PTPN2: variants seen among roughly 807,000 people sequenced by gnomAD.
PTPN2 encodes tyrosine-protein phosphatase non-receptor type 2.
Under a neutral mutation model 57.3 loss-of-function variants are expected in PTPN2, and 19 were observed. The observed-to-expected ratio is 0.33, with a 90% confidence interval of 0.23 to 0.49. PTPN2 has a LOEUF of 0.49. PTPN2 is among the 20% of genes least tolerant of loss of function. The probability of loss-of-function intolerance (pLI) is 0.99; values close to 1 mark genes in which losing one functional copy is unlikely to be tolerated. For missense variants in PTPN2, 358 were observed against 501.1 expected (o/e 0.71, Z 2.73); for synonymous variants, 153 against 164.9 (o/e 0.93, Z 0.55).
intron 7 of PTPN2, among the ~76,000 whole-genome samples, chr18:12,805,784 C>T (rs112723771): frequency 0.15 from 22,727 of 151,700 alleles, 1,884 homozygotes; most frequent in African/African-American, 0.2. Context: ...CGCGTGCCAG[C>T]ATACCCAGCT....
chr18:12,861,563 GT>G (rs1247999205), intron 1 of PTPN2, among the ~76,000 whole-genome samples: 1 of 152,062 alleles, frequency 6.6e-6, no homozygotes, highest in Non-Finnish European at 1.5e-5. Flanking sequence ...TAATTTTGTA[GT>G]TTTCTTCATA....
chr18:12,864,634 G>C (rs1265443193), intron 1 of PTPN2, among the ~76,000 whole-genome samples: 2 of 151,878 alleles, frequency 1.3e-5, no homozygotes, highest in Non-Finnish European at 2.9e-5. Context: ...TCCTGACCTC[G>C]TGATCTGCCC....
chr18:12,798,675 T>C (rs2041285777), intron 8 of PTPN2, among the ~76,000 whole-genome samples: 1 of 152,248 alleles, frequency 6.6e-6, no homozygotes, highest in South Asian at 2.1e-4. Context: ...TTTAGATTGA[T>C]TCCATGTCTT....
At chr18:12,841,769 G>GA (rs2043053672) in intron 2 of PTPN2, among the ~76,000 whole-genome samples, 2 of 152,158 alleles carry the variant, frequency 1.3e-5, no homozygotes, top group African/African-American at 4.8e-5. Flanking sequence ...AGTCTGCAAT[G>GA]AAAAGAATAC....
At chr18:12,870,460 TATAGAGAGAGAGAG>T (rs1240173304) in intron 1 of PTPN2, among the ~76,000 whole-genome samples, 6 of 24,104 alleles carry the variant, frequency 2.5e-4, no homozygotes, top group African/African-American at 1.1e-3. Flanking sequence ...TATATATATA[TATAGAGAGAGAGAG>T]AGAGAGAGAG....
intron 3 of PTPN2, among the ~76,000 whole-genome samples, 195 bp from the exon 4 acceptor site, chr18:12,831,236 G>T (rs1018873082): frequency 2.0e-5 from 3 of 152,174 alleles, no homozygotes; most frequent in African/African-American, 4.8e-5. Context: ...GGTTGTAAAT[G>T]ATCAAAACTG....
At chr18:12,824,643 A>G (rs2042383226) in intron 5 of PTPN2, among the ~76,000 whole-genome samples, 1 of 152,168 alleles carries the variant, frequency 6.6e-6, no homozygotes, top group African/African-American at 2.4e-5. Context: ...AGTTTATTCT[A>G]TTACAACACA....
chr18:12,812,285 C>T (rs1263970221), intron 7 of PTPN2, among the ~76,000 whole-genome samples: 1 of 152,160 alleles, frequency 6.6e-6, no homozygotes, highest in Non-Finnish European at 1.5e-5. Flanking sequence ...ATTATAATTA[C>T]ACATATTTAC....
intron 2 of PTPN2, among the ~76,000 whole-genome samples, chr18:12,856,505 G>C (rs796926613): frequency 1.4e-4 from 21 of 152,226 alleles, no homozygotes; most frequent in African/African-American, 4.8e-4. Context: ...TGCATGGTCC[G>C]CAGGAGGGAA....
At chr18:12,805,003 T>C (rs778599615) in intron 7 of PTPN2, among the ~76,000 whole-genome samples, 7 of 152,110 alleles carry the variant, frequency 4.6e-5, no homozygotes, top group Non-Finnish European at 8.8e-5. Context: ...CAACAGTATA[T>C]TAAAAACATC....
At chr18:12,868,560 T>C (rs769132523) in intron 1 of PTPN2, among the ~76,000 whole-genome samples, 2 of 150,268 alleles carry the variant, frequency 1.3e-5, no homozygotes, top group East Asian at 4.0e-4. Flanking sequence ...TCATTTGTCA[T>C]AGTTTTCTAC....
chr18:12,801,959 A>G lies in PTPN2; in HGVS notation c.1040+11T>C, dbSNP rs2145249936. ...GCCTCATCTTTCAGCCTGTAGTTAT[A>G]GAAAGCTTACCTCTCACTGTTCTCC... On this transcript the variant is annotated intron_variant, in intron 8 of 8. Transcript: ENST00000309660. The G allele has an allele frequency of 6.4e-7, 1 of 1,570,616 alleles. No individual in the cohort carries two copies. Among genetic ancestry groups the G allele is most frequent in the South Asian group, 1.2e-5 (1 of 82,584 alleles).
chr18:12,853,034 TCTC>T (rs1433312939), intron 2 of PTPN2, among the ~76,000 whole-genome samples: 3 of 152,204 alleles, frequency 2.0e-5, no homozygotes, highest in Non-Finnish European at 4.4e-5. Context: ...TATGTGTTAA[TCTC>T]CTCAAGTATA....
At chr18:12,883,421 G>GA (rs1215760255) in intron 1 of PTPN2, among the ~76,000 whole-genome samples, 2 of 152,196 alleles carry the variant, frequency 1.3e-5, no homozygotes, top group African/African-American at 2.4e-5. Context: ...GCCCTCGCCA[G>GA]AGGCCACGAG....
downstream of PTPN2, chr18:12,792,041 G>A: frequency 5.3e-6 from 1 of 187,988 alleles, no homozygotes; most frequent in Non-Finnish European, 9.9e-6. Context: ...TAAGGGTCTT[G>A]GATGCCTCAA....
intron 4 of PTPN2, among the ~76,000 whole-genome samples, chr18:12,826,521 T>C (rs1042731496): frequency 6.6e-6 from 1 of 152,182 alleles, no homozygotes. Flanking sequence ...TTGTGTCCTA[T>C]TCCCACTCCA....
Position 12,836,851 on chromosome 18 carries a change from A to G in PTPN2, c.201T>C (p.Asp67=). 6.2e-7 allele frequency: 1 copy of G among 1,611,638 alleles called. No individual in the cohort carries two copies. Among genetic ancestry groups the G allele is most frequent in the Non-Finnish European group, 8.5e-7 (1 of 1,179,258 alleles). Reference sequence around the variant, plus strand: ...TGTCAACTAAACTGGCATTAATATAATCATTCTCAGCATTTTGCAGTTTAA... The same window carrying G: ...TGTCAACTAAACTGGCATTAATATAGTCATTCTCAGCATTTTGCAGTTTAA... ...SRVKLQNAEN[D]YINASLVDIE... Residue 67 remains aspartate, a synonymous_variant, in exon 3 of 9, where the codon GAT becomes GAC. Transcript: ENST00000309660.
At chr18:12,789,928 G>GGAGA (rs774954302), downstream of PTPN2, among the ~76,000 whole-genome samples, 1 of 151,160 alleles carries the variant, frequency 6.6e-6, no homozygotes, top group Non-Finnish European at 1.5e-5. Flanking sequence ...AGAGAGAGAG[G>GGAGA]GAGAGAGAGA....
intron 1 of PTPN2, among the ~76,000 whole-genome samples, chr18:12,875,667 C>T (rs2044463538): frequency 6.6e-6 from 1 of 152,116 alleles, no homozygotes; most frequent in African/African-American, 2.4e-5. Flanking sequence ...TCATACGTAA[C>T]GTTTATTCAA....
Sources: gnomAD v4.1 joint callset for allele counts (sites outside exome capture counted in the v4.1 genomes callset) on GRCh38, gnomAD v4.1.1 for gene constraint, MANE v1.5 for transcripts, NCBI Gene and HGNC (gene_info 2026-07-23, HGNC 2026-07-21) for gene names.